Variants in CD109 observed in about 807,000 individuals in gnomAD.
CD109 encodes the protein CD109 molecule.
CD109 carries 149 observed loss-of-function variants against 165.8 expected under a neutral mutation model. The ratio of observed to expected loss-of-function variants is 0.90; its 90% CI spans 0.79 to 1.03. The LOEUF is 1.03. CD109 is among the 50% of genes least tolerant of loss of function. The probability of loss-of-function intolerance (pLI) is 0.00; values close to 1 mark genes in which losing one functional copy is unlikely to be tolerated. For synonymous variants in CD109, 585 were observed against 592.1 expected (o/e 0.99, Z 0.18); for missense variants, 1,712 against 1,677.8 (o/e 1.02, Z -0.36).
intron 26 of CD109, among the ~76,000 whole-genome samples, chr6:73,808,569 T>A (rs1324674515): frequency 6.6e-6 from 1 of 152,136 alleles, no homozygotes; most frequent in Non-Finnish European, 1.5e-5. Flanking sequence ...GAGAGACAGG[T>A]TAAATCCTGG....
At chr6:73,749,237 T>C (rs774670264) in intron 5 of CD109, among the ~76,000 whole-genome samples, 2 of 152,212 alleles carry the variant, frequency 1.3e-5, no homozygotes, top group South Asian at 2.1e-4. Context: ...ACCTGGGTAC[T>C]GTGCTCTAGT....
At chr6:73,721,067 A>G (rs1375501161) in intron 2 of CD109, among the ~76,000 whole-genome samples, 1 of 152,032 alleles carries the variant, frequency 6.6e-6, no homozygotes, top group Non-Finnish European at 1.5e-5. Context: ...TCCTTGTCCT[A>G]CCTGTACTAT....
In CD109 at chr6:73,826,022, T is replaced by G. The variant is rs185757274; in HGVS notation, c.*2389T>G. 1.3e-5 allele frequency: 2 copies of G among 152,246 alleles called. No homozygotes were observed. The highest frequency in any genetic ancestry group is 2.9e-5 in the Non-Finnish European group (2 of 68,010). 9.4% of individuals were successfully genotyped at this position (152,246 alleles called of 1,614,324 possible). ...AGTCACCTTGTAACTCATCTCTTTT[T>G]ATTGTAAGTTTATTAAAAATGAAGA... On this transcript the variant is annotated 3_prime_UTR_variant, in exon 33 of 33. Coordinates refer to ENST00000287097, the MANE Select transcript of CD109 (RefSeq NM_133493.5).
chr6:73,755,993 A>G (rs555416539), intron 5 of CD109, among the ~76,000 whole-genome samples: 1 of 152,150 alleles, frequency 6.6e-6, no homozygotes, highest in East Asian at 1.9e-4. Context: ...AGCAACAAAA[A>G]AAGGAGAAAT....
intron 2 of CD109, among the ~76,000 whole-genome samples, chr6:73,707,962 T>TTATTTA (rs1771349998): frequency 8.7e-5 from 11 of 126,816 alleles, no homozygotes; most frequent in Admixed American, 7.0e-4. Context: ...ATTGTTATCT[T>TTATTTA]TATATATATA....
In CD109 at chr6:73,791,148, T is replaced by TACAC. The variant is rs1562070872; in HGVS notation, c.2702-1477_2702-1476insCACA. On this transcript the variant is annotated intron_variant, in intron 22 of 32. Transcript: ENST00000287097. ...ATATACATACATACATATATATATA[T>TACAC]ATATATATATATATATATATATATA... Among the ~76,000 whole-genome samples, 11 of 31,812 alleles carry TACAC rather than the reference T, an allele frequency of 3.5e-4. No homozygotes were observed. The East Asian group carries it at 0.011, about 31-fold the overall frequency. The allele number at this position is 31,812 out of a possible 152,430, so 20.9% of individuals were successfully genotyped here.
chr6:73,772,255 C>T (rs1237363382), intron 15 of CD109, among the ~76,000 whole-genome samples: 1 of 152,146 alleles, frequency 6.6e-6, no homozygotes, highest in Non-Finnish European at 1.5e-5. Context: ...CCTGTAATCT[C>T]AGCACTTTGG....
chr6:73,808,424 G>T (rs1206610505), intron 26 of CD109, among the ~76,000 whole-genome samples, 176 bp downstream of exon 26: 3 of 152,058 alleles, frequency 2.0e-5, no homozygotes, highest in Non-Finnish European at 4.4e-5. Context: ...TCTCCCCAGG[G>T]TTTTTTTAAC....
chr6:73,765,815 T>C (rs1413537600), intron 10 of CD109, 115 bp from the exon 11 acceptor site: 3 of 715,058 alleles, frequency 4.2e-6, no homozygotes, highest in Non-Finnish European at 7.0e-6. Context: ...CTGGATATTA[T>C]AGTGCTACCA....
chr6:73,736,921 A>C (rs1772567175), intron 5 of CD109, among the ~76,000 whole-genome samples: 1 of 152,242 alleles, frequency 6.6e-6, no homozygotes, highest in Non-Finnish European at 1.5e-5. Context: ...CAGTGACTTA[A>C]ATAGCTACAC....
intron 30 of CD109, among the ~76,000 whole-genome samples, chr6:73,816,050 C>T (rs1297317046): frequency 1.3e-5 from 2 of 152,270 alleles, no homozygotes; most frequent in East Asian, 1.9e-4. Flanking sequence ...TCTGGGTGTT[C>T]ATCCAGGTGG....
At chr6:73,734,122 A>G (rs984549949) in intron 4 of CD109, among the ~76,000 whole-genome samples, 3 of 152,166 alleles carry the variant, frequency 2.0e-5, no homozygotes, top group Admixed American at 6.5e-5. Flanking sequence ...TCAAATCCTG[A>G]TGTGTCTTGT....
At chr6:73,704,413 C>G (rs1771191764) in intron 2 of CD109, among the ~76,000 whole-genome samples, 1 of 152,148 alleles carries the variant, frequency 6.6e-6, no homozygotes. Context: ...ACCCTCAACC[C>G]TAAGCGCTGG....
intron 5 of CD109, among the ~76,000 whole-genome samples, chr6:73,755,977 A>C (rs1481080138): frequency 6.6e-6 from 1 of 152,062 alleles, no homozygotes; most frequent in Non-Finnish European, 1.5e-5. Flanking sequence ...CAAAAACAAA[A>C]ACAAAAGCAA....
rs771804618 is a variant in CD109 at position 73,766,747 on chromosome 6, C to A, written c.1333-12C>A. On this transcript the variant is annotated splice_polypyrimidine_tract_variant and intron_variant, in intron 11 of 32. Transcript: ENST00000287097. ...AGATGAACATTTACAGCTCCTTTTT[C>A]TTTTATTATAGGCCTATTTCCTTGG... 13 of 1,574,980 alleles carry A rather than the reference C, an allele frequency of 8.3e-6. No homozygotes were observed. The highest frequency in any genetic ancestry group is 1.0e-5 in the Non-Finnish European group (12 of 1,154,370).
At chr6:73,796,858 G>A (rs12209909) in intron 23 of CD109, among the ~76,000 whole-genome samples, 82,236 of 151,896 alleles carry the variant, frequency 0.54, 22,771 homozygotes, top group African/African-American at 0.66. Flanking sequence ...GAAGTGGCTG[G>A]TGAAAGTCAG....
chr6:73,802,350 G>T (rs1368093747), intron 23 of CD109, among the ~76,000 whole-genome samples: 1 of 141,248 alleles, frequency 7.1e-6, no homozygotes, highest in African/African-American at 2.7e-5. Flanking sequence ...GGAATTGGTG[G>T]GTAGGCAGGC....
intron 5 of CD109, among the ~76,000 whole-genome samples, chr6:73,751,381 A>G (rs1171511390): frequency 6.6e-6 from 1 of 152,110 alleles, no homozygotes; most frequent in African/African-American, 2.4e-5. Context: ...ATGGCAGCTC[A>G]TAACTCCATC....
chr6:73,728,404 C>G (rs189489040), intron 3 of CD109, among the ~76,000 whole-genome samples: 112 of 152,220 alleles, frequency 7.4e-4, no homozygotes, highest in Non-Finnish European at 1.4e-3. Context: ...GATTGTTTTT[C>G]CTAACATTTT....
Sources: gnomAD v4.1 joint callset for allele counts (sites outside exome capture counted in the v4.1 genomes callset) on GRCh38, gnomAD v4.1.1 for gene constraint, MANE v1.5 for transcripts, NCBI Gene and HGNC (gene_info 2026-07-23, HGNC 2026-07-21) for gene names.